ANK2: variants seen among roughly 807,000 people sequenced by gnomAD.
The protein encoded by ANK2 is ankyrin 2, also known as ankyrin-2.
ANK2 carries 83 observed loss-of-function variants against 360.5 expected under a neutral mutation model. The observed-to-expected ratio is 0.23, with a 90% confidence interval of 0.19 to 0.28. The LOEUF (loss-of-function observed/expected upper bound fraction) is 0.28. Ranked by LOEUF, ANK2 falls within the 10% of genes least tolerant of loss-of-function variation. The pLI, the probability that ANK2 is intolerant of heterozygous loss-of-function variation, is 1.00. For synonymous variants in ANK2, 1,740 were observed against 1,759.5 expected, an observed-to-expected ratio of 0.99 and a Z score of 0.28; for missense variants, 4,201 against 4,795.7, an observed-to-expected ratio of 0.88 and a Z score of 3.66.
chr4:113,348,908 GA>G (rs1218915973), intron 36 of ANK2, among the ~76,000 whole-genome samples: 9 of 152,078 alleles, frequency 5.9e-5, no homozygotes, highest in South Asian at 2.1e-4. Context: ...TAATTTTTGG[GA>G]GTGTAAAGGG....
Position 113,355,154 on chromosome 4 carries a change from C to T in ANK2, c.6536C>T (p.Pro2179Leu), listed in dbSNP as rs1368254484. ...VLTSPFNTTF[P>L]LDYMKDEFLP... ...ACTAGTCCTTTCAACACAACATTTC[C>T]ACTCGACTACATGAAAGATGAGTTC... is the stretch of plus-strand genomic sequence containing the variant. The change falls in exon 38 of 46, where the codon CCA becomes CTA. Residue 2179 changes from proline (P) to leucine (L), a missense_variant. Coordinates refer to ENST00000357077, the MANE Select transcript of ANK2 (RefSeq NM_001148.6). 6.2e-7 allele frequency: 1 copy of T among 1,613,986 alleles called. No homozygotes were observed. The highest frequency in any genetic ancestry group is 8.5e-7 in the Non-Finnish European group (1 of 1,179,994).
rs28456239 is a variant in ANK2, at chr4:113,250,762, C to G, written c.990+900C>G. ...ATTCCACCTCATACCACCGCCCCCCCCCCCGACAGAGTTGGTATCAACTAA... is the reference window on the plus strand; with the variant it reads ...ATTCCACCTCATACCACCGCCCCCCGCCCCGACAGAGTTGGTATCAACTAA... On this transcript the variant is annotated intron_variant, in intron 10 of 45. Transcript: ENST00000357077. 3.1e-4 allele frequency among the ~76,000 whole-genome samples: 43 copies of G among 137,024 alleles called. 5 individuals carry two copies. The highest frequency in any genetic ancestry group is 5.4e-4 in the African/African-American group (20 of 36,946). The allele number at this position is 137,024 out of a possible 152,430, so 89.9% of individuals were successfully genotyped here.
chr4:112,731,078 G>A, the ANK2 span, among the ~76,000 whole-genome samples: 1 of 151,826 alleles, frequency 6.6e-6, no homozygotes, highest in South Asian at 2.1e-4. Flanking sequence ...GGAGGTGGAG[G>A]TTGCAGTGGG....
upstream of ANK2, among the ~76,000 whole-genome samples, chr4:112,813,893 C>T (rs558215753): frequency 1.3e-5 from 2 of 152,306 alleles, no homozygotes; most frequent in South Asian, 2.1e-4. Context: ...ATGAATGAGT[C>T]GTCCAGGTTA....
chr4:113,200,641 C>T (rs2098815944), intron 4 of ANK2, among the ~76,000 whole-genome samples: 1 of 152,196 alleles, frequency 6.6e-6, no homozygotes, highest in African/African-American at 2.4e-5. Flanking sequence ...ATCCATGTTG[C>T]TGCAAAGGAT....
Position 112,964,184 on chromosome 4 carries a change from A to G in ANK2, c.21+59670A>G, listed in dbSNP as rs142583630. On this transcript the variant is annotated intron_variant, in intron 2 of 30. Coordinates refer to the ANK2 transcript ENST00000503271. ...GCATGCAGTAAGCAATAATCACATC[A>G]TGAAAAGTGAGGCATCTATCCCCTC... is the stretch of plus-strand genomic sequence containing the variant. 6.5e-4 allele frequency among the ~76,000 whole-genome samples: 97 copies of G among 150,022 alleles called. No individual in the cohort carries two copies. In the East Asian group the frequency reaches 0.013, roughly 21 times the overall value.
rs775705520 is a variant in ANK2 at position 113,258,385 on chromosome 4, G to A, written c.1360G>A (p.Gly454Arg). 3 of 1,614,076 alleles carry A rather than the reference G, an allele frequency of 1.9e-6. No individual in the cohort carries two copies. The highest frequency in any genetic ancestry group is 1.1e-5 in the South Asian group (1 of 91,082). ...LNIVLLLLQN[G>R]ASPDVTNIRG... ...CATTGTCCTCCTTCTGCTGCAGAACGGAGCCTCTCCAGATGTCACTAACAT... is the reference window on the plus strand; with the variant it reads ...CATTGTCCTCCTTCTGCTGCAGAACAGAGCCTCTCCAGATGTCACTAACAT... The change falls in exon 13 of 46, where the codon GGA becomes AGA. Residue 454 changes from glycine to arginine, a missense_variant. By Grantham distance (125) the Gly-to-Arg change is moderately radical. Transcript: ENST00000357077.
At chr4:112,731,790 T>A in the ANK2 span, among the ~76,000 whole-genome samples, 28 of 152,160 alleles carry the variant, frequency 1.8e-4, no homozygotes, top group Admixed American at 1.4e-3. Context: ...ATGCATGTAA[T>A]ACTCAAAGTG....
At chr4:112,891,904 A>G (rs2080137570) in intron 1 of ANK2, among the ~76,000 whole-genome samples, 1 of 152,224 alleles carries the variant, frequency 6.6e-6, no homozygotes, top group African/African-American at 2.4e-5. Context: ...TGAAAGCGTT[A>G]CCTAATAAGT....
chr4:113,231,077 A>G (rs191160783), intron 4 of ANK2, among the ~76,000 whole-genome samples: 170 of 144,288 alleles, frequency 1.2e-3, no homozygotes, highest in Non-Finnish European at 2.0e-3. Context: ...TTTGAGATGG[A>G]GTCTCACTCT....
At chr4:112,798,020 C>A in the ANK2 span, 2 of 165,972 alleles carry the variant, frequency 1.2e-5, no homozygotes, top group South Asian at 3.4e-4. Context: ...CTATACCGTT[C>A]ATCAAAGTAG....
chr4:112,810,155 ATATATTTTT>A, the ANK2 span, among the ~76,000 whole-genome samples: 63 of 23,248 alleles, frequency 2.7e-3, no homozygotes, highest in East Asian at 0.043. Flanking sequence ...ATATATATAT[ATATATTTTT>A]TTTTTTTTTT....
the ANK2 span, among the ~76,000 whole-genome samples, chr4:112,711,147 G>T: frequency 6.7e-6 from 1 of 149,990 alleles, no homozygotes; most frequent in Non-Finnish European, 1.5e-5. Flanking sequence ...TAAGAGTTGG[G>T]GTCACCAGGC....
chr4:113,103,429 T>G (rs12647986), intron 1 of ANK2, among the ~76,000 whole-genome samples: 58,147 of 151,944 alleles, frequency 0.38, 11,536 homozygotes, highest in African/African-American at 0.45. Flanking sequence ...AAAAATAGTA[T>G]TATCTAAGAC....
At chr4:113,277,329 C>CT (rs1377033031) in intron 15 of ANK2, among the ~76,000 whole-genome samples, 1 of 152,148 alleles carries the variant, frequency 6.6e-6, no homozygotes, top group African/African-American at 2.4e-5. Context: ...GACCATTTAT[C>CT]TTGCCATTTC....
rs186610140 is a variant in ANK2, at chr4:113,183,949, G to C, written c.186+9432G>C. The stretch of plus-strand genomic sequence containing the variant: ...TTTAAAAAGAGGAGGAAGAAAAATA[G>C]TTTAAAAGAGTTTAAAAGAGTGGTG... On this transcript the variant is annotated intron_variant, in intron 2 of 45. Transcript: ENST00000357077. 8.5e-3 allele frequency among the ~76,000 whole-genome samples: 1,214 copies of C among 142,758 alleles called. 12 individuals carry two copies. The highest frequency in any genetic ancestry group is 0.013 in the Non-Finnish European group (860 of 67,736). 93.7% of individuals were successfully genotyped at this position (142,758 alleles called of 152,430 possible). A position where few individuals can be genotyped will look rare whatever the true frequency, so the allele number is the denominator to read the frequency against.
intron 1 of ANK2, chr4:113,151,179 A>G (rs1221651470): frequency 2.4e-6 from 3 of 1,239,060 alleles, no homozygotes; most frequent in South Asian, 1.3e-5. Context: ...GTAACTAAGA[A>G]GTTTTAATTA....
At chr4:113,210,660 T>C (rs2099011126) in intron 4 of ANK2, among the ~76,000 whole-genome samples, 1 of 152,206 alleles carries the variant, frequency 6.6e-6, no homozygotes, top group Admixed American at 6.5e-5. Context: ...TAAGGAATAA[T>C]TACAGTACAT....
At chr4:113,344,452 A>G (rs2094605330) in intron 34 of ANK2, among the ~76,000 whole-genome samples, 1 of 152,204 alleles carries the variant, frequency 6.6e-6, no homozygotes, top group African/African-American at 2.4e-5. Context: ...GTGGAAATGC[A>G]AAATAGTGCA....
Sources: gnomAD v4.1 joint callset for allele counts (sites outside exome capture counted in the v4.1 genomes callset) on GRCh38, gnomAD v4.1.1 for gene constraint, MANE v1.5 for transcripts, NCBI Gene and HGNC (gene_info 2026-07-23, HGNC 2026-07-21) for gene names.